Variants in ELFN2 observed in about 807,000 individuals in gnomAD.
ELFN2 encodes extracellular leucine rich repeat and fibronectin type III domain containing 2, also known as protein phosphatase 1 regulatory subunit 29.
In ELFN2, 17 loss-of-function variants were observed where a neutral mutation model predicts 45.5. The ratio of observed to expected loss-of-function variants is 0.37; its 90% CI spans 0.26 to 0.56. The LOEUF (loss-of-function observed/expected upper bound fraction) is 0.56, where lower values mean the gene tolerates loss of function less well. ELFN2 is among the 20% of genes least tolerant of loss of function. The probability of loss-of-function intolerance (pLI) is 0.77; values close to 1 mark genes in which losing one functional copy is unlikely to be tolerated. For synonymous variants in ELFN2, 550 were observed against 551.5 expected, an observed-to-expected ratio of 1.00 and a Z score of 0.04; for missense variants, 922 against 1,183.2, an observed-to-expected ratio of 0.78 and a Z score of 3.24.
chr22:37,394,544 C>T (rs964716966), intron 2 of ELFN2, among the ~76,000 whole-genome samples: 3 of 152,206 alleles, frequency 2.0e-5, no homozygotes, highest in Admixed American at 6.5e-5. Flanking sequence ...GTCCAGCCCC[C>T]GTGGACCGTC....
At position 37,371,810 on chromosome 22, in the gene ELFN2, G is replaced by A. The variant is rs537014750; in HGVS notation, c.*1262C>T. 6.6e-6 allele frequency: 1 copy of A among 152,666 alleles called. No individual in the cohort carries two copies. Among genetic ancestry groups the A allele is most frequent in the Non-Finnish European group, 1.5e-5 (1 of 68,248 alleles). The allele number at this position is 152,666 out of a possible 1,614,324, so 9.5% of individuals were successfully genotyped here. ...TTGTGCTTTGTTTGATGTTGGGTGG[G>A]GGGGTCAGAAAGAGGGAAGTGGCCA... On this transcript the variant is annotated 3_prime_UTR_variant, in exon 3 of 3. Coordinates refer to ENST00000402918, the MANE Select transcript of ELFN2 (RefSeq NM_052906.5). This position sits in a 1 kb window ranked among gnomAD's most constrained non-coding sequence, Gnocchi z 6.4.
chr22:37,402,088 A>G (rs929586580), intron 2 of ELFN2, among the ~76,000 whole-genome samples: 1 of 152,198 alleles, frequency 6.6e-6, no homozygotes, highest in East Asian at 1.9e-4. Context: ...TGCCTCATCT[A>G]TGAAGTAGGA....
chr22:37,344,023 GCCTGCCCACGCCCA>G (rs1355608030), intron 1 of ELFN2, among the ~76,000 whole-genome samples: 27 of 59,084 alleles, frequency 4.6e-4, no homozygotes, highest in Non-Finnish European at 7.0e-4. Flanking sequence ...GCCTATGCCC[GCCTGCCCACGCCCA>G]CCTGCCCATG....
chr22:37,397,270 C>T (rs1430879104), intron 2 of ELFN2, among the ~76,000 whole-genome samples: 1 of 152,194 alleles, frequency 6.6e-6, no homozygotes, highest in Non-Finnish European at 1.5e-5. Context: ...CCTCAGTGCC[C>T]CCAGTGAGAA....
At chr22:37,350,297 T>C (rs1427646067) in intron 1 of ELFN2, among the ~76,000 whole-genome samples, 3 of 150,876 alleles carry the variant, frequency 2.0e-5, no homozygotes, top group African/African-American at 4.8e-5. Flanking sequence ...GATTCAGTTT[T>C]GTTCCTGGAG....
chr22:37,344,703 A>G (rs1233595965), intron 1 of ELFN2, among the ~76,000 whole-genome samples: 2 of 152,072 alleles, frequency 1.3e-5, no homozygotes, highest in Non-Finnish European at 2.9e-5. Flanking sequence ...GGGAAGCCTG[A>G]TCCCCAGCAT....
At chr22:37,362,911 T>C (rs1007733182) in intron 1 of ELFN2, among the ~76,000 whole-genome samples, 1 of 152,182 alleles carries the variant, frequency 6.6e-6, no homozygotes, top group East Asian at 1.9e-4. Flanking sequence ...GGCAGAGAGA[T>C]GCTTCTACCG....
intron 2 of ELFN2, among the ~76,000 whole-genome samples, chr22:37,378,584 C>G (rs1931649577): frequency 6.6e-6 from 1 of 152,256 alleles, no homozygotes. Context: ...AGCCCAGCCA[C>G]TCCAAGCTCT....
rs936777694 is a variant in ELFN2, at chr22:37,374,704, G to C, written c.831C>G (p.Pro277=). Residue 277 remains proline, a synonymous_variant, in exon 3 of 3, where the codon CCC becomes CCG. Coordinates refer to ENST00000402918, the MANE Select transcript of ELFN2 (RefSeq NM_052906.5). ...GCGGCTCCACCGAAAGGATCTCGTC[G>C]GGGTTGAAGCCCGAGTTCTCGTCTG... ...REPDENSGFN[P]DEILSVEPPA... 3 of 1,612,084 alleles carry C rather than the reference G, an allele frequency of 1.9e-6. No individual in the cohort carries two copies. Among genetic ancestry groups the C allele is most frequent in the Non-Finnish European group, 2.5e-6 (3 of 1,178,512 alleles).
chr22:37,413,554 A>T (rs1393915237), intron 2 of ELFN2, among the ~76,000 whole-genome samples: 1 of 149,646 alleles, frequency 6.7e-6, no homozygotes, highest in Non-Finnish European at 1.5e-5. Context: ...TGAGTGACAG[A>T]GCAACAGCCT....
chr22:37,411,313 C>T (rs1011983490), intron 2 of ELFN2, among the ~76,000 whole-genome samples: 3 of 152,182 alleles, frequency 2.0e-5, no homozygotes, highest in Non-Finnish European at 4.4e-5. Context: ...ACCCCAGAAG[C>T]GCTGCTTAGA....
intron 2 of ELFN2, among the ~76,000 whole-genome samples, chr22:37,391,388 C>A (rs1450541003): frequency 6.6e-6 from 1 of 152,120 alleles, no homozygotes; most frequent in African/African-American, 2.4e-5. Flanking sequence ...CTGAAAATCA[C>A]CCTGGGAACA....
chr22:37,359,574 G>C (rs931679934), intron 1 of ELFN2, among the ~76,000 whole-genome samples: 1 of 152,196 alleles, frequency 6.6e-6, no homozygotes, highest in Non-Finnish European at 1.5e-5. Context: ...CGGTATGAAC[G>C]CTCCTCAGCT....
intron 1 of ELFN2, among the ~76,000 whole-genome samples, chr22:37,424,049 G>C (rs750932069): frequency 1.3e-5 from 2 of 152,228 alleles, no homozygotes; most frequent in East Asian, 3.9e-4. Context: ...GTCAGGTTTC[G>C]AGGCAATCCT....
chr22:37,394,781 A>C (rs1932169640), intron 2 of ELFN2, among the ~76,000 whole-genome samples: 1 of 152,012 alleles, frequency 6.6e-6, no homozygotes, highest in Admixed American at 6.6e-5. Context: ...CAAACTCAAC[A>C]CCAACCCCCG....
At chr22:37,392,962 T>C (rs1272396796) in intron 2 of ELFN2, among the ~76,000 whole-genome samples, 2 of 152,236 alleles carry the variant, frequency 1.3e-5, no homozygotes, top group East Asian at 3.8e-4. Context: ...ACAGGGTCCC[T>C]TATTACTTCA....
intron 2 of ELFN2, among the ~76,000 whole-genome samples, chr22:37,396,034 C>T (rs1373804785): frequency 6.6e-6 from 1 of 152,142 alleles, no homozygotes; most frequent in African/African-American, 2.4e-5. Flanking sequence ...GGCTGGAGAC[C>T]CCCGGAAGGG....
chr22:37,349,200 C>T (rs974573274), intron 1 of ELFN2, among the ~76,000 whole-genome samples: 3 of 151,244 alleles, frequency 2.0e-5, no homozygotes, highest in East Asian at 1.9e-4. Context: ...ATCCCAGCCC[C>T]GCCACTTAGC....
rs190859560 is a variant in ELFN2, at chr22:37,407,649, A to G, written c.-463+10120T>C. Among the ~76,000 whole-genome samples the G allele has an allele frequency of 6.6e-3, 1,006 of 152,124 alleles. 9 individuals are homozygous for G. Among genetic ancestry groups the G allele is most frequent in the African/African-American group, 0.022 (900 of 41,482 alleles). ...GCAGTGGCTCATGCCTGTAATCCCAATACTTTGGGAGGCTGAGGTGGGCGG... is the reference window on the plus strand; with the variant it reads ...GCAGTGGCTCATGCCTGTAATCCCAGTACTTTGGGAGGCTGAGGTGGGCGG... On this transcript the variant is annotated intron_variant, in intron 2 of 2. Transcript: ENST00000402918.
Sources: gnomAD v4.1 joint callset for allele counts (sites outside exome capture counted in the v4.1 genomes callset) on GRCh38, gnomAD v4.1.1 for gene constraint, Gnocchi (gnomAD v3.1) non-coding constraint, MANE v1.5 for transcripts, NCBI Gene and HGNC (gene_info 2026-07-23, HGNC 2026-07-21) for gene names.